Variants in NELL1 observed in about 807,000 individuals in gnomAD.
The protein encoded by NELL1 is protein kinase C-binding protein NELL1.
In NELL1, 76 loss-of-function variants were observed where a neutral mutation model predicts 107.4. That is an observed-to-expected ratio of 0.71 (90% CI 0.59 to 0.86). NELL1 has a LOEUF of 0.86. Ranked by LOEUF, NELL1 falls within the 40% of genes least tolerant of loss-of-function variation. The probability of loss-of-function intolerance (pLI) is 0.00; values close to 1 mark genes in which losing one functional copy is unlikely to be tolerated. For missense variants in NELL1, 1,024 were observed against 1,005.5 expected (o/e 1.02, Z -0.25); for synonymous variants, 353 against 341.2 (o/e 1.03, Z -0.38).
intron 12 of NELL1, among the ~76,000 whole-genome samples, chr11:20,961,936 T>C (rs1023904171): frequency 6.6e-6 from 1 of 152,180 alleles, no homozygotes; most frequent in Admixed American, 6.5e-5. Flanking sequence ...TTATTACTAC[T>C]AGAGACCAGT....
At chr11:20,998,593 C>G (rs1007988113) in intron 12 of NELL1, among the ~76,000 whole-genome samples, 1 of 152,132 alleles carries the variant, frequency 6.6e-6, no homozygotes, top group African/African-American at 2.4e-5. Flanking sequence ...GTGTAAGCAC[C>G]TTGACACAAA....
intron 15 of NELL1, among the ~76,000 whole-genome samples, chr11:21,420,363 A>G (rs1564885573): frequency 1.3e-5 from 2 of 152,040 alleles, no homozygotes; most frequent in African/African-American, 4.8e-5. Flanking sequence ...AATGATATAA[A>G]TGATAGTAAA....
intron 12 of NELL1, among the ~76,000 whole-genome samples, chr11:21,090,816 T>C (rs1854503884): frequency 6.6e-6 from 1 of 152,208 alleles, no homozygotes. Flanking sequence ...AGGACATATA[T>C]GATTTTTCTT....
chr11:21,298,094 A>T (rs1849410216), intron 14 of NELL1, among the ~76,000 whole-genome samples: 1 of 152,000 alleles, frequency 6.6e-6, no homozygotes, highest in Non-Finnish European at 1.5e-5. Flanking sequence ...TTTTTAATCT[A>T]TATGGAAAGA....
chr11:21,560,899 CTTCT>C (rs10530857), intron 17 of NELL1, among the ~76,000 whole-genome samples: 106,619 of 151,362 alleles, frequency 0.7, 39,050 homozygotes, highest in Non-Finnish European at 0.82. Context: ...AAATTGATGT[CTTCT>C]TTGTTATTCT....
At chr11:21,055,012 T>C (rs954539683) in intron 12 of NELL1, among the ~76,000 whole-genome samples, 6 of 152,068 alleles carry the variant, frequency 3.9e-5, no homozygotes, top group African/African-American at 1.4e-4. Context: ...AGTTTAATTT[T>C]AAAGAATTAA....
intron 13 of NELL1, among the ~76,000 whole-genome samples, chr11:21,154,612 A>G (rs1169205909): frequency 1.3e-5 from 2 of 152,164 alleles, no homozygotes; most frequent in Admixed American, 6.6e-5. Flanking sequence ...AAAATATAAA[A>G]ATAGACAAGT....
At chr11:20,950,954 C>T (rs902431797) in intron 11 of NELL1, among the ~76,000 whole-genome samples, 3 of 152,310 alleles carry the variant, frequency 2.0e-5, no homozygotes, top group Admixed American at 6.5e-5. Context: ...TGTGACCATC[C>T]GGTCATTAGT....
intron 14 of NELL1, among the ~76,000 whole-genome samples, chr11:21,278,794 A>T (rs964137099): frequency 6.6e-6 from 1 of 152,174 alleles, no homozygotes; most frequent in Non-Finnish European, 1.5e-5. Flanking sequence ...TCCAAAGTTT[A>T]TATGGACAGA....
chr11:20,740,584 C>T (rs955700688), intron 2 of NELL1, among the ~76,000 whole-genome samples: 2 of 152,074 alleles, frequency 1.3e-5, no homozygotes, highest in South Asian at 4.1e-4. Context: ...TGGAGAGTCC[C>T]CTTAACAGAT....
intron 13 of NELL1, among the ~76,000 whole-genome samples, chr11:21,203,531 T>C (rs990324298): frequency 6.6e-6 from 1 of 151,610 alleles, no homozygotes; most frequent in African/African-American, 2.4e-5. Context: ...ATGGGTCTCC[T>C]GAATACAGCA....
intron 2 of NELL1, among the ~76,000 whole-genome samples, chr11:20,699,665 T>C (rs1854720892): frequency 6.6e-6 from 1 of 152,184 alleles, no homozygotes; most frequent in African/African-American, 2.4e-5. Context: ...GCCACACATT[T>C]TCTTTATCTA....
At chr11:21,544,618 T>C (rs547350244) in intron 16 of NELL1, among the ~76,000 whole-genome samples, 1 of 152,090 alleles carries the variant, frequency 6.6e-6, no homozygotes, top group African/African-American at 2.4e-5. Flanking sequence ...ATTTCTTTAC[T>C]CACTTTATCC....
intron 12 of NELL1, among the ~76,000 whole-genome samples, chr11:20,973,252 G>A (rs1049042329): frequency 4.6e-5 from 7 of 151,842 alleles, no homozygotes; most frequent in African/African-American, 1.5e-4. Context: ...GGGATTATAG[G>A]CATGCACCAC....
chr11:21,305,100 T>C (rs1474849007), intron 14 of NELL1, among the ~76,000 whole-genome samples: 1 of 152,108 alleles, frequency 6.6e-6, no homozygotes, highest in South Asian at 2.1e-4. Context: ...CAGGACTTGT[T>C]AGTGGACCAA....
chr11:21,280,747 T>TATTTAAGTTTAATAAACTTAAATAACA (rs1202758726), intron 14 of NELL1, among the ~76,000 whole-genome samples: 39 of 152,304 alleles, frequency 2.6e-4, no homozygotes, highest in East Asian at 2.5e-3. Flanking sequence ...AAATAATGTT[T>TATTTAAGTTTAATAAACTTAAATAACA]ATTTAAGTTT....
At chr11:21,292,197 C>A (rs528528876) in intron 14 of NELL1, among the ~76,000 whole-genome samples, 1 of 152,298 alleles carries the variant, frequency 6.6e-6, no homozygotes, top group East Asian at 1.9e-4. Flanking sequence ...AGCCCAAAAT[C>A]TCCTTAACCT....
At chr11:21,122,748 T>G (rs1462568932) in intron 13 of NELL1, among the ~76,000 whole-genome samples, 2 of 152,158 alleles carry the variant, frequency 1.3e-5, no homozygotes, top group Non-Finnish European at 2.9e-5. Context: ...CACAGAGTTG[T>G]TAAAGGATAA....
At chr11:21,386,729 T>G (rs926018031) in intron 15 of NELL1, among the ~76,000 whole-genome samples, 3 of 151,930 alleles carry the variant, frequency 2.0e-5, no homozygotes, top group Admixed American at 6.6e-5. Flanking sequence ...TATGTGGAAA[T>G]ACTGCATTCA....
Sources: allele counts gnomAD v4.1 joint callset (sites outside exome capture counted in the v4.1 genomes callset), GRCh38; gene constraint gnomAD v4.1.1; transcripts MANE v1.5; gene names NCBI Gene and HGNC (gene_info 2026-07-23, HGNC 2026-07-21).